Variants in CTNNA3 observed in about 807,000 individuals in gnomAD.
CTNNA3 encodes the protein catenin alpha-3.
Under a neutral mutation model 95.7 loss-of-function variants are expected in CTNNA3, and 76 were observed. The ratio of observed to expected loss-of-function variants is 0.79; its 90% CI spans 0.66 to 0.96. CTNNA3 has a LOEUF of 0.96. Ranked by LOEUF, CTNNA3 falls within the 40% of genes least tolerant of loss-of-function variation. CTNNA3 has a pLI of 0.00. For missense variants in CTNNA3, 1,191 were observed against 1,089.8 expected, an observed-to-expected ratio of 1.09 and a Z score of -1.31; for synonymous variants, 431 against 374.4, an observed-to-expected ratio of 1.15 and a Z score of -1.74.
At chr10:66,059,599 TCTC>T (rs1282380448) in intron 15 of CTNNA3, among the ~76,000 whole-genome samples, 2 of 152,096 alleles carry the variant, frequency 1.3e-5, no homozygotes, top group African/African-American at 4.8e-5. Flanking sequence ...ATCTCCTTGT[TCTC>T]CTCAATTCTT....
Position 67,647,477 on chromosome 10 carries a change from G to T in CTNNA3, c.37C>A (p.Pro13Thr), listed in dbSNP as rs1839752113. The change falls in exon 2 of 18, where the codon CCT becomes ACT. Residue 13 changes from proline (P) to threonine (T), a missense_variant. Coordinates refer to ENST00000433211, the MANE Select transcript of CTNNA3 (RefSeq NM_013266.4). The part of the protein sequence containing the change: ...AETPITLNID[P>T]QDLQVQTFTV... Reference sequence around the variant, plus strand: ...AATGTTTGGACCTGCAGATCCTGAGGATCGATATTCAATGTGATTGGTGTT... The same window carrying T: ...AATGTTTGGACCTGCAGATCCTGAGTATCGATATTCAATGTGATTGGTGTT... The T allele has an allele frequency of 1.9e-6, 3 of 1,613,436 alleles. No individual in the cohort carries two copies. In the East Asian group the frequency reaches 6.7e-5, roughly 36 times the overall value.
intron 10 of CTNNA3, among the ~76,000 whole-genome samples, chr10:66,544,909 C>T (rs942645120): frequency 6.6e-6 from 1 of 152,082 alleles, no homozygotes; most frequent in African/African-American, 2.4e-5. Flanking sequence ...TGTCCTTCTA[C>T]TGGTTTGGGA....
At chr10:66,251,045 G>T (rs1034652129) in intron 13 of CTNNA3, among the ~76,000 whole-genome samples, 1 of 152,072 alleles carries the variant, frequency 6.6e-6, no homozygotes, top group Admixed American at 6.6e-5. Flanking sequence ...GGTGATTCCT[G>T]CTCCAATAAT....
At chr10:67,526,401 T>G (rs907082987) in intron 4 of CTNNA3, among the ~76,000 whole-genome samples, 6 of 147,138 alleles carry the variant, frequency 4.1e-5, no homozygotes, top group African/African-American at 1.3e-4. Flanking sequence ...GTTAAGAACA[T>G]AGAGCAAAAT....
intron 11 of CTNNA3, among the ~76,000 whole-genome samples, chr10:66,448,058 CA>C (rs1215639996): frequency 6.6e-6 from 1 of 151,922 alleles, no homozygotes; most frequent in East Asian, 1.9e-4. Context: ...TTTATGCAGC[CA>C]AAAAACACAT....
chr10:66,548,894 C>T (rs888861507), intron 10 of CTNNA3, among the ~76,000 whole-genome samples: 9 of 150,750 alleles, frequency 6.0e-5, no homozygotes, highest in African/African-American at 2.4e-5. Flanking sequence ...TTCATATTCA[C>T]GAAGAATATT....
intron 5 of CTNNA3, among the ~76,000 whole-genome samples, chr10:67,360,041 G>A (rs1052418552): frequency 1.3e-5 from 2 of 152,034 alleles, no homozygotes; most frequent in African/African-American, 4.8e-5. Flanking sequence ...AAAAAATTGG[G>A]AGCCTATTTT....
chr10:66,547,707 G>T (rs1842082988), intron 10 of CTNNA3, among the ~76,000 whole-genome samples: 2 of 151,854 alleles, frequency 1.3e-5, no homozygotes, highest in Non-Finnish European at 1.5e-5. Flanking sequence ...TAAAGATTTT[G>T]GTTGGTATTG....
chr10:66,069,270 C>G (rs781250686), intron 15 of CTNNA3, 38 bp downstream of exon 15: 1 of 1,577,536 alleles, frequency 6.3e-7, no homozygotes, highest in Non-Finnish European at 8.7e-7. Flanking sequence ...ATATTTTCAG[C>G]CATTATGAAT....
intron 5 of CTNNA3, among the ~76,000 whole-genome samples, chr10:67,229,407 C>G (rs954862109): frequency 2.6e-5 from 4 of 152,092 alleles, no homozygotes; most frequent in Non-Finnish European, 5.9e-5. Context: ...AGAACTGGAA[C>G]AAGACAAGGA....
At chr10:67,363,238 G>A (rs975187963) in intron 5 of CTNNA3, among the ~76,000 whole-genome samples, 2 of 151,806 alleles carry the variant, frequency 1.3e-5, no homozygotes, top group East Asian at 1.9e-4. Context: ...AACTACCACC[G>A]TTTTTCACAG....
intron 1 of CTNNA3, among the ~76,000 whole-genome samples, chr10:67,658,098 C>T (rs1840077616): frequency 1.3e-5 from 2 of 152,194 alleles, no homozygotes; most frequent in Non-Finnish European, 2.9e-5. Flanking sequence ...CCTCTCACCA[C>T]TATTGGGCCT....
chr10:67,046,300 G>A (rs955247223), intron 7 of CTNNA3, among the ~76,000 whole-genome samples: 3 of 152,070 alleles, frequency 2.0e-5, no homozygotes, highest in Admixed American at 6.5e-5. Flanking sequence ...TCAGGGCCAC[G>A]TTGCTACCAT....
intron 7 of CTNNA3, among the ~76,000 whole-genome samples, chr10:67,123,408 CAG>C (rs1385604190): frequency 2.0e-5 from 3 of 152,234 alleles, no homozygotes; most frequent in Admixed American, 6.5e-5. Flanking sequence ...ACAAAAATAG[CAG>C]AGTCAATTCA....
intron 7 of CTNNA3, chr10:67,012,304 T>C (rs1025953123): frequency 1.3e-5 from 2 of 152,160 alleles, no homozygotes; most frequent in Non-Finnish European, 2.9e-5. Flanking sequence ...CCAGAGAAAA[T>C]AGAAATGCCA....
chr10:67,422,585 T>C (rs1200857586), intron 5 of CTNNA3, among the ~76,000 whole-genome samples: 2 of 152,084 alleles, frequency 1.3e-5, no homozygotes, highest in African/African-American at 4.8e-5. Context: ...GGGAGGTGAT[T>C]GGATCATGGG....
chr10:67,699,099 C>T (rs1208566398), upstream of CTNNA3, among the ~76,000 whole-genome samples: 2 of 152,188 alleles, frequency 1.3e-5, no homozygotes, highest in Non-Finnish European at 2.9e-5. Context: ...TCTTCCCTCA[C>T]CTTTTCAAGG....
At chr10:66,570,584 G>C (rs925525789) in intron 10 of CTNNA3, among the ~76,000 whole-genome samples, 1 of 151,844 alleles carries the variant, frequency 6.6e-6, no homozygotes, top group Non-Finnish European at 1.5e-5. Context: ...ACCGCACCCA[G>C]CCGACAAAAT....
intron 5 of CTNNA3, among the ~76,000 whole-genome samples, chr10:67,233,754 T>G (rs1865329478): frequency 6.6e-6 from 1 of 150,640 alleles, no homozygotes; most frequent in Non-Finnish European, 1.5e-5. Context: ...ACAAAATTGA[T>G]AGACCGCTAG....
Sources: gnomAD v4.1 joint callset for allele counts (sites outside exome capture counted in the v4.1 genomes callset) on GRCh38, gnomAD v4.1.1 for gene constraint, MANE v1.5 for transcripts, NCBI Gene and HGNC (gene_info 2026-07-23, HGNC 2026-07-21) for gene names.